Variants in MED15 observed in about 807,000 individuals in gnomAD.
The protein encoded by MED15 is mediator complex subunit 15, also known as mediator of RNA polymerase II transcription subunit 15.
In MED15, 41 loss-of-function variants were observed where a neutral mutation model predicts 118.7. That is an observed-to-expected ratio of 0.35 (90% confidence interval 0.27 to 0.45). The LOEUF is 0.45. Among genes scored for constraint, MED15 ranks in the 20% least tolerant of loss-of-function variants. MED15 has a pLI of 1.00. For missense variants in MED15, 740 were observed against 1,025.5 expected (o/e 0.72, Z 3.80); for synonymous variants, 436 against 413.9 (o/e 1.05, Z -0.65).
At chr22:20,570,393 C>CTT (rs362206) in intron 8 of MED15, among the ~76,000 whole-genome samples, 12 of 135,406 alleles carry the variant, frequency 8.9e-5, no homozygotes, top group Admixed American at 2.2e-4. Flanking sequence ...TTCTTTCTGT[C>CTT]TTTTTTTTTT....
At chr22:20,552,704 A>C (rs1175410242) in intron 3 of MED15, 1 of 307,608 alleles carries the variant, frequency 3.3e-6, no homozygotes, top group Admixed American at 4.8e-5. Context: ...CAGTTTCCTC[A>C]TCTAGGTAAC....
intron 5 of MED15, among the ~76,000 whole-genome samples, chr22:20,555,522 C>A (rs1216084147): frequency 6.6e-6 from 1 of 152,234 alleles, no homozygotes; most frequent in Admixed American, 6.5e-5. Flanking sequence ...GAGCTCTGGG[C>A]ACCATCTCTT....
chr22:20,549,115 T>C (rs1279185995), intron 2 of MED15, among the ~76,000 whole-genome samples: 1 of 152,200 alleles, frequency 6.6e-6, no homozygotes, highest in Non-Finnish European at 1.5e-5. Context: ...TGGAGTTTTT[T>C]AAGGTTTCTG....
intron 9 of MED15, among the ~76,000 whole-genome samples, chr22:20,580,619 G>C (rs777031460): frequency 2.0e-5 from 3 of 152,192 alleles, no homozygotes; most frequent in African/African-American, 7.2e-5. Flanking sequence ...ATGGGGCCCA[G>C]AGTCTTTGCT....
intron 8 of MED15, among the ~76,000 whole-genome samples, chr22:20,571,747 G>A (rs1330391064): frequency 7.2e-5 from 11 of 152,214 alleles, no homozygotes; most frequent in Non-Finnish European, 1.5e-4. Context: ...ATCTTCTTTT[G>A]AAACTTGAAT....
intron 1 of MED15, among the ~76,000 whole-genome samples, chr22:20,534,621 A>G (rs1025539456): frequency 1.3e-5 from 2 of 152,220 alleles, no homozygotes; most frequent in African/African-American, 2.4e-5. Flanking sequence ...CAACCTTCAG[A>G]AAACAGGCCT....
At position 20,545,791 on chromosome 22, in the gene MED15, A is replaced by G. The variant is rs558542550; in HGVS notation, c.157-5645A>G. ...AAGGTCCCATGGGGCTATGGATACT[A>G]TCATGGAACCACTCTTTCTGGAATT... On this transcript the variant is annotated intron_variant, in intron 2 of 17. Coordinates refer to ENST00000263205, the MANE Select transcript of MED15 (RefSeq NM_001003891.3). Among the ~76,000 whole-genome samples the G allele has an allele frequency of 2.6e-5, 4 of 152,190 alleles. No individual in the cohort carries two copies. In the South Asian group the frequency reaches 6.2e-4, roughly 24 times the overall value.
At chr22:20,543,415 T>A (rs2055398886) in intron 2 of MED15, among the ~76,000 whole-genome samples, 2 of 150,230 alleles carry the variant, frequency 1.3e-5, no homozygotes, top group African/African-American at 2.5e-5. Flanking sequence ...TTTCACCATG[T>A]TGGCCAGGCT....
intron 8 of MED15, among the ~76,000 whole-genome samples, chr22:20,569,920 T>A (rs2056584129): frequency 6.6e-6 from 1 of 152,192 alleles, no homozygotes; most frequent in African/African-American, 2.4e-5. Context: ...ACGTGGTGTG[T>A]TCAGAGTCAG....
intron 1 of MED15, among the ~76,000 whole-genome samples, chr22:20,533,634 T>C (rs1182820358): frequency 6.6e-6 from 1 of 152,178 alleles, no homozygotes; most frequent in Non-Finnish European, 1.5e-5. Flanking sequence ...GAAGCTCATG[T>C]GGAACTGGAC....
chr22:20,583,078 C>T (rs1199797330), intron 11 of MED15, 35 bp from the exon 12 acceptor site: 9 of 1,561,364 alleles, frequency 5.8e-6, no homozygotes, highest in Non-Finnish European at 7.8e-6. Context: ...ACCCGAGGGT[C>T]GAGGGCTGTG....
At chr22:20,515,784 CA>C (rs554440955) in intron 1 of MED15, among the ~76,000 whole-genome samples, 118 of 135,400 alleles carry the variant, frequency 8.7e-4, no homozygotes, top group Middle Eastern at 3.7e-3. Flanking sequence ...GACTCAGTCT[CA>C]AAAAAAAAAA....
intron 1 of MED15, among the ~76,000 whole-genome samples, chr22:20,510,597 G>A (rs547444431): frequency 1.3e-5 from 2 of 152,256 alleles, no homozygotes; most frequent in East Asian, 3.9e-4. Flanking sequence ...TGAGCTTGTA[G>A]GACTGAGGTG....
intron 8 of MED15, chr22:20,573,750 G>C (rs142809169): frequency 3.9e-5 from 6 of 152,316 alleles, no homozygotes; most frequent in African/African-American, 1.4e-4. Flanking sequence ...CTGGAAAAAA[G>C]TTTGCTTCTC....
At chr22:20,584,616 A>G (rs769931443) in intron 14 of MED15, 191 bp downstream of exon 14, 44 of 822,840 alleles carry the variant, frequency 5.3e-5, no homozygotes, top group Non-Finnish European at 7.8e-5. Context: ...CCCTCTGTCT[A>G]CGGCCCCCGT....
At chr22:20,574,879 G>A (rs1183447913) in intron 8 of MED15, 1 of 578,606 alleles carries the variant, frequency 1.7e-6, no homozygotes, top group Non-Finnish European at 3.1e-6. Context: ...GAACAGAAAG[G>A]TCTGGAAGCA....
chr22:20,581,282 C>T (rs975774882), intron 9 of MED15, among the ~76,000 whole-genome samples: 1 of 152,214 alleles, frequency 6.6e-6, no homozygotes, highest in Admixed American at 6.5e-5. Context: ...GCCACCCTGC[C>T]CTCTGCTGCC....
intron 4 of MED15, 136 bp from the exon 5 acceptor site, chr22:20,554,800 C>G: frequency 1.2e-6 from 1 of 831,846 alleles, no homozygotes; most frequent in Non-Finnish European, 1.9e-6. Flanking sequence ...GGAGCCTAGT[C>G]TCTTACTGCT....
intron 1 of MED15, among the ~76,000 whole-genome samples, chr22:20,520,475 G>A (rs2054406924): frequency 6.6e-6 from 1 of 152,236 alleles, no homozygotes; most frequent in African/African-American, 2.4e-5. Context: ...CCTGCCAAGT[G>A]CTCTGTAGTA....
Sources: allele counts gnomAD v4.1 joint callset (sites outside exome capture counted in the v4.1 genomes callset), GRCh38; gene constraint gnomAD v4.1.1; transcripts MANE v1.5; gene names NCBI Gene and HGNC (gene_info 2026-07-23, HGNC 2026-07-21).